Variants in ROBO1 observed in about 807,000 individuals in gnomAD.
ROBO1 encodes the protein roundabout guidance receptor 1.
Under a neutral mutation model 195.9 loss-of-function variants are expected in ROBO1, and 149 were observed. The ratio of observed to expected loss-of-function variants is 0.76; its 90% CI spans 0.67 to 0.87. The LOEUF is 0.87. Ranked by LOEUF, ROBO1 falls within the 40% of genes least tolerant of loss-of-function variation. The pLI, the probability that ROBO1 is intolerant of heterozygous loss-of-function variation, is 0.00. For missense variants in ROBO1, 1,933 were observed against 2,068.3 expected (o/e 0.93, Z 1.27); for synonymous variants, 816 against 733.2 (o/e 1.11, Z -1.82).
Position 79,149,771 on chromosome 3 carries a change from A to C in ROBO1, c.89-24232T>G, listed in dbSNP as rs1157878312. Among the ~76,000 whole-genome samples, 7 of 151,840 alleles carry C rather than the reference A, an allele frequency of 4.6e-5. No individual in the cohort carries two copies. In the East Asian group the frequency reaches 1.4e-3, roughly 30 times the overall value. On this transcript the variant is annotated intron_variant, in intron 2 of 30. Coordinates refer to ENST00000464233, the MANE Select transcript of ROBO1 (RefSeq NM_002941.4). Reference sequence around the variant, plus strand: ...TTTTTTTTCCACCTTTAAGTGGGCCAGAAGGGTCTGAAGTTAGGCATGTCC... The same window carrying C: ...TTTTTTTTCCACCTTTAAGTGGGCCCGAAGGGTCTGAAGTTAGGCATGTCC...
At chr3:78,628,673 T>G (rs1704981231) in intron 25 of ROBO1, among the ~76,000 whole-genome samples, 1 of 152,198 alleles carries the variant, frequency 6.6e-6, no homozygotes, top group Admixed American at 6.5e-5. Context: ...TGCATCTTTC[T>G]TTACTTTCCT....
intron 21 of ROBO1, among the ~76,000 whole-genome samples, chr3:78,642,608 T>C (rs1706036153): frequency 6.6e-6 from 1 of 152,234 alleles, no homozygotes; most frequent in African/African-American, 2.4e-5. Context: ...CTCTGCTTTC[T>C]TGCTTTATGC....
At chr3:79,259,169 G>C (rs1224198056) in intron 2 of ROBO1, among the ~76,000 whole-genome samples, 3 of 152,064 alleles carry the variant, frequency 2.0e-5, no homozygotes, top group South Asian at 2.1e-4. Context: ...TGTTGAGACA[G>C]GGTATTATTC....
At chr3:78,922,324 C>T (rs1342121110) in intron 4 of ROBO1, among the ~76,000 whole-genome samples, 1 of 151,804 alleles carries the variant, frequency 6.6e-6, no homozygotes, top group Non-Finnish European at 1.5e-5. Flanking sequence ...TTCATTTCTG[C>T]CAAAAATGAT....
chr3:79,628,214 G>A (rs1475523752), intron 1 of ROBO1, among the ~76,000 whole-genome samples: 2 of 152,132 alleles, frequency 1.3e-5, no homozygotes, highest in African/African-American at 4.8e-5. Flanking sequence ...ATTTACAATA[G>A]CAAAGACTTG....
chr3:79,019,082 G>A (rs1470824010), intron 3 of ROBO1: 3 of 989,956 alleles, frequency 3.0e-6, no homozygotes, highest in Non-Finnish European at 1.2e-6. Flanking sequence ...CGGCTGCCTG[G>A]GCGGGCCCTT....
chr3:79,702,425 C>A (rs191166000), intron 1 of ROBO1, among the ~76,000 whole-genome samples: 7 of 151,942 alleles, frequency 4.6e-5, no homozygotes, highest in African/African-American at 1.7e-4. Flanking sequence ...AACTCATTGT[C>A]TCTTCTTTTT....
chr3:79,048,463 C>T (rs1167475511), intron 3 of ROBO1, among the ~76,000 whole-genome samples: 6 of 152,100 alleles, frequency 3.9e-5, no homozygotes, highest in Non-Finnish European at 8.8e-5. Flanking sequence ...TTCTCTTGTA[C>T]ATCTAATTCT....
intron 2 of ROBO1, among the ~76,000 whole-genome samples, chr3:79,432,023 A>T (rs1330617674): frequency 6.6e-6 from 1 of 152,154 alleles, no homozygotes; most frequent in Non-Finnish European, 1.5e-5. Flanking sequence ...AATTGGAAGT[A>T]ACTTTCCACC....
At chr3:78,726,219 T>C (rs2082158993) in intron 5 of ROBO1, among the ~76,000 whole-genome samples, 1 of 152,140 alleles carries the variant, frequency 6.6e-6, no homozygotes, top group African/African-American at 2.4e-5. Flanking sequence ...TTACTAAAAA[T>C]ACTATTTAAA....
chr3:79,601,173 G>T (rs903721012), intron 1 of ROBO1, among the ~76,000 whole-genome samples: 1 of 151,886 alleles, frequency 6.6e-6, no homozygotes, highest in Non-Finnish European at 1.5e-5. Flanking sequence ...TGAACCAAAA[G>T]GGTTCAGGAC....
chr3:78,944,730 A>G (rs2040324939), intron 3 of ROBO1, among the ~76,000 whole-genome samples: 1 of 152,224 alleles, frequency 6.6e-6, no homozygotes, highest in African/African-American at 2.4e-5. Context: ...CTAACCCAGG[A>G]AGCGCAAGGG....
intron 2 of ROBO1, among the ~76,000 whole-genome samples, chr3:79,246,817 TA>T (rs1174299273): frequency 1.3e-5 from 2 of 152,020 alleles, no homozygotes; most frequent in Non-Finnish European, 2.9e-5. Context: ...TAGGGAGAAT[TA>T]AACCAGTGAA....
At chr3:78,666,555 T>C (rs1045317739) in intron 14 of ROBO1, among the ~76,000 whole-genome samples, 13 of 152,184 alleles carry the variant, frequency 8.5e-5, no homozygotes, top group African/African-American at 3.1e-4. Context: ...TTTACAAATG[T>C]GTATCTAATA....
At chr3:79,466,432 C>T (rs778368612) in intron 2 of ROBO1, among the ~76,000 whole-genome samples, 62 of 151,974 alleles carry the variant, frequency 4.1e-4, no homozygotes, top group Non-Finnish European at 7.2e-4. Flanking sequence ...CCTTTTAATT[C>T]GAATGACAAA....
chr3:79,258,490 T>G (rs1164628808), intron 2 of ROBO1, among the ~76,000 whole-genome samples: 1 of 152,188 alleles, frequency 6.6e-6, no homozygotes, highest in African/African-American at 2.4e-5. Flanking sequence ...TTAGGCATAT[T>G]GTAAATATTT....
chr3:79,044,630 A>T (rs2078555120), intron 3 of ROBO1, among the ~76,000 whole-genome samples: 1 of 152,244 alleles, frequency 6.6e-6, no homozygotes, highest in Middle Eastern at 3.4e-3. Flanking sequence ...TTTGTTCAGT[A>T]TCTATCTATG....
intron 3 of ROBO1, among the ~76,000 whole-genome samples, chr3:78,983,999 T>C (rs1462514808): frequency 2.6e-5 from 4 of 152,202 alleles, no homozygotes; most frequent in Non-Finnish European, 5.9e-5. Flanking sequence ...GGAGAATTCA[T>C]GCTATTCATG....
At chr3:78,678,650 C>G (rs1708590631) in intron 10 of ROBO1, among the ~76,000 whole-genome samples, 4 of 152,072 alleles carry the variant, frequency 2.6e-5, no homozygotes, top group Non-Finnish European at 5.9e-5. Flanking sequence ...CTGAATAGAC[C>G]AATAACAGGA....
Sources: gnomAD v4.1 joint callset for allele counts (sites outside exome capture counted in the v4.1 genomes callset) on GRCh38, gnomAD v4.1.1 for gene constraint, MANE v1.5 for transcripts, NCBI Gene and HGNC (gene_info 2026-07-23, HGNC 2026-07-21) for gene names.